EPB41L3: variants seen among roughly 807,000 people sequenced by gnomAD.
EPB41L3 encodes the protein erythrocyte membrane protein band 4.1 like 3, also known as band 4.1-like protein 3.
EPB41L3 carries 57 observed loss-of-function variants against 127.1 expected under a neutral mutation model. The observed-to-expected ratio is 0.45, with a 90% confidence interval of 0.36 to 0.56. The LOEUF is 0.56. Among genes scored for constraint, EPB41L3 ranks in the 20% least tolerant of loss-of-function variants. The probability of loss-of-function intolerance (pLI) is 0.00; values close to 1 mark genes in which losing one functional copy is unlikely to be tolerated. For synonymous variants in EPB41L3, 572 were observed against 549.5 expected (o/e 1.04, Z -0.57); for missense variants, 1,273 against 1,372.2 (o/e 0.93, Z 1.14).
At chr18:5,482,764 C>T (rs760292644) in intron 2 of EPB41L3, among the ~76,000 whole-genome samples, 3 of 152,074 alleles carry the variant, frequency 2.0e-5, no homozygotes, top group Non-Finnish European at 4.4e-5. Flanking sequence ...ACAAAATTAT[C>T]ATTCAAATAT....
chr18:5,411,633 G>A (rs1380930920), intron 13 of EPB41L3, among the ~76,000 whole-genome samples: 1 of 151,840 alleles, frequency 6.6e-6, no homozygotes, highest in Non-Finnish European at 1.5e-5. Context: ...CATTAATAAA[G>A]TTCCCTTGAT....
At chr18:5,450,179 G>A (rs1015865656) in intron 3 of EPB41L3, among the ~76,000 whole-genome samples, 1 of 152,110 alleles carries the variant, frequency 6.6e-6, no homozygotes, top group East Asian at 1.9e-4. Flanking sequence ...TAAGGGTTTG[G>A]GGGTGGGGAG....
At chr18:5,422,110 C>G (rs904878160) in intron 11 of EPB41L3, among the ~76,000 whole-genome samples, 3 of 152,098 alleles carry the variant, frequency 2.0e-5, no homozygotes, top group Admixed American at 2.0e-4. Context: ...TCCTATTATA[C>G]AGATGACTAA....
chr18:5,609,486 A>G (rs2143998758), intron 3 of EPB41L3, among the ~76,000 whole-genome samples: 1 of 152,256 alleles, frequency 6.6e-6, no homozygotes, highest in Admixed American at 6.5e-5. Context: ...TGCATGCAAA[A>G]CCACGGAGGG....
intron 3 of EPB41L3, among the ~76,000 whole-genome samples, chr18:5,595,647 G>C (rs116169821): frequency 0.012 from 1,778 of 152,218 alleles, 28 homozygotes; most frequent in African/African-American, 0.035. Context: ...CACCCCAGCA[G>C]CTCAAACAGT....
Position 5,488,943 on chromosome 18 carries a change from G to A in EPB41L3, c.183+58C>T. ...CTAGGGCTAAGAGACCAAGGTTAAA[G>A]CCGATCCTGGAGCAGCTCAGCAAAC... On this transcript the variant is annotated intron_variant, in intron 2 of 22. Coordinates refer to ENST00000341928, the MANE Select transcript of EPB41L3 (RefSeq NM_012307.5). 2.0e-6 allele frequency: 3 copies of A among 1,512,678 alleles called. No individual in the cohort carries two copies. In the South Asian group the frequency reaches 3.9e-5, roughly 20 times the overall value. The allele number at this position is 1,512,678 out of a possible 1,614,324, so 93.7% of individuals were successfully genotyped here.
chr18:5,518,078 G>A (rs935020217), intron 1 of EPB41L3, among the ~76,000 whole-genome samples: 1 of 152,066 alleles, frequency 6.6e-6, no homozygotes, highest in African/African-American at 2.4e-5. Flanking sequence ...TCCCCACAAG[G>A]TCTATTTATT....
intron 3 of EPB41L3, among the ~76,000 whole-genome samples, chr18:5,445,540 T>C (rs932150536): frequency 6.6e-6 from 1 of 152,162 alleles, no homozygotes; most frequent in Non-Finnish European, 1.5e-5. Flanking sequence ...TGGAAGCAAC[T>C]GGGGAAAATA....
chr18:5,449,206 G>C (rs1462896383), intron 3 of EPB41L3, among the ~76,000 whole-genome samples: 1 of 151,454 alleles, frequency 6.6e-6, no homozygotes, highest in Non-Finnish European at 1.5e-5. Context: ...AAGATATACA[G>C]ATAGCAAATA....
intron 3 of EPB41L3, among the ~76,000 whole-genome samples, chr18:5,608,493 C>T (rs1383284116): frequency 1.3e-5 from 2 of 151,978 alleles, no homozygotes; most frequent in African/African-American, 4.8e-5. Flanking sequence ...TGAGTAAAAC[C>T]CTGTTGTTCT....
rs1278780946 is a variant in EPB41L3, at chr18:5,397,415, G to C, written c.2484C>G (p.Thr828=). 1 of 1,606,806 alleles carries C rather than the reference G, an allele frequency of 6.2e-7. No homozygotes were observed. Reference sequence around the variant, plus strand: ...TCTCTATTCCACTGGACTCCGTCTTGGTTTCCATTTTCTGCATGGGAAGAG... The same window carrying C: ...TCTCTATTCCACTGGACTCCGTCTTCGTTTCCATTTTCTGCATGGGAAGAG... The part of the protein sequence containing the change: ...TSQSWVQKME[T]KTESSGIETE... The change falls in exon 18 of 23, where the codon ACC becomes ACG. Residue 828 remains threonine, a synonymous_variant. Coordinates refer to ENST00000341928, the MANE Select transcript of EPB41L3 (RefSeq NM_012307.5). This position sits in a 1 kb window ranked among gnomAD's most constrained non-coding sequence, Gnocchi z 4.1.
intron 3 of EPB41L3, among the ~76,000 whole-genome samples, chr18:5,590,083 G>A (rs192485762): frequency 1.2e-4 from 19 of 152,290 alleles, no homozygotes; most frequent in South Asian, 1.0e-3. Context: ...AAGGAGGAAG[G>A]AGAAAATGGG....
At chr18:5,471,677 T>C (rs2086169194) in intron 3 of EPB41L3, among the ~76,000 whole-genome samples, 1 of 152,028 alleles carries the variant, frequency 6.6e-6, no homozygotes, top group African/African-American at 2.4e-5. Context: ...TACCTGTGAG[T>C]CCCTCTGCCT....
chr18:5,502,405 C>A (rs1275797596), intron 1 of EPB41L3, among the ~76,000 whole-genome samples: 1 of 151,934 alleles, frequency 6.6e-6, no homozygotes, highest in Non-Finnish European at 1.5e-5. Context: ...TCACAGCAAA[C>A]CCTGCTTCAC....
intron 1 of EPB41L3, among the ~76,000 whole-genome samples, chr18:5,507,622 C>T (rs1392632091): frequency 6.6e-6 from 1 of 152,166 alleles, no homozygotes; most frequent in African/African-American, 2.4e-5. Flanking sequence ...GACTACATAG[C>T]ATTAATATAG....
At chr18:5,420,112 T>C (rs1205301698) in intron 11 of EPB41L3, 3 of 747,004 alleles carry the variant, frequency 4.0e-6, no homozygotes, top group Non-Finnish European at 2.1e-6. Flanking sequence ...CTGTATTTCC[T>C]ATATGAGTGC....
chr18:5,398,258 G>T, intron 16 of EPB41L3, 115 bp from the exon 17 acceptor site: 1 of 1,188,112 alleles, frequency 8.4e-7, no homozygotes, highest in Non-Finnish European at 1.2e-6. Context: ...GGAGGAGGAA[G>T]AACGAAGGAA....
At chr18:5,607,692 T>C (rs2094676198) in intron 3 of EPB41L3, among the ~76,000 whole-genome samples, 1 of 152,226 alleles carries the variant, frequency 6.6e-6, no homozygotes, top group Admixed American at 6.5e-5. Context: ...AATATGTTTA[T>C]ACCATCAGGT....
intron 3 of EPB41L3, among the ~76,000 whole-genome samples, chr18:5,449,648 A>G (rs1449457182): frequency 6.6e-6 from 1 of 152,230 alleles, no homozygotes; most frequent in Non-Finnish European, 1.5e-5. Flanking sequence ...TTCATTGATA[A>G]AAGAAAAAAT....
Sources: allele counts gnomAD v4.1 joint callset (sites outside exome capture counted in the v4.1 genomes callset), GRCh38; gene constraint gnomAD v4.1.1; non-coding constraint Gnocchi (gnomAD v3.1); transcripts MANE v1.5; gene names NCBI Gene and HGNC (gene_info 2026-07-23, HGNC 2026-07-21).